Variants in KIF1B observed in about 807,000 individuals in gnomAD.
KIF1B encodes the protein kinesin-like protein KIF1B.
KIF1B carries 76 observed loss-of-function variants against 241.9 expected under a neutral mutation model. That is an observed-to-expected ratio of 0.31 (90% CI 0.26 to 0.38). KIF1B has a LOEUF of 0.38. Among genes scored for constraint, KIF1B ranks in the 10% least tolerant of loss-of-function variants. KIF1B has a pLI of 1.00. For synonymous variants in KIF1B, 750 were observed against 796.7 expected (o/e 0.94, Z 0.99); for missense variants, 1,622 against 2,271.4 (o/e 0.71, Z 5.81).
chr1:10,244,921 C>G (rs1024467002), intron 2 of KIF1B, among the ~76,000 whole-genome samples: 2 of 152,110 alleles, frequency 1.3e-5, no homozygotes, highest in African/African-American at 4.8e-5. Flanking sequence ...CGCCATTTTT[C>G]TTAATTGTTG....
At chr1:10,215,578 C>T (rs1252084229) in intron 1 of KIF1B, among the ~76,000 whole-genome samples, 1 of 148,430 alleles carries the variant, frequency 6.7e-6, no homozygotes, top group Non-Finnish European at 1.5e-5. Context: ...CAGGCTCTTA[C>T]TCTATTGCCC....
chr1:10,326,112 T>C lies in KIF1B; in HGVS notation c.2677T>C (p.Ser893Pro). Residue 893 changes from serine to proline, a missense_variant and splice_region_variant, in exon 27 of 49, where the codon TCC becomes CCC. By Grantham distance (74) the Ser-to-Pro change is moderately conservative. Transcript: ENST00000676179. The surrounding 1 kb of genome is among the most constrained non-coding windows in gnomAD (Gnocchi z 5.2). Reference sequence around the variant, plus strand: ...ATTGGCGTCTTACCTGGTGTCTAGCTCCCCCATTTTCCACGGCTGTGTGAA... The same window carrying C: ...ATTGGCGTCTTACCTGGTGTCTAGCCCCCCCATTTTCCACGGCTGTGTGAA... ...RFHWFKLVGS[S>P]PIFHGCVNER... 6.2e-7 allele frequency: 1 copy of C among 1,613,956 alleles called. No individual in the cohort carries two copies. Among genetic ancestry groups the C allele is most frequent in the South Asian group, 1.1e-5 (1 of 91,054 alleles).
chr1:10,312,448 C>T (rs922537882), intron 22 of KIF1B, among the ~76,000 whole-genome samples: 1 of 151,430 alleles, frequency 6.6e-6, no homozygotes, highest in African/African-American at 2.5e-5. Context: ...GTTTTTAAAA[C>T]ATATCCCAGC....
chr1:10,296,854 TA>T, intron 20 of KIF1B, 42 bp from the exon 21 acceptor site: 2 of 1,561,140 alleles, frequency 1.3e-6, no homozygotes, highest in South Asian at 1.1e-5. Flanking sequence ...TACTATATAT[TA>T]AAAAAATTAT....
intron 22 of KIF1B, chr1:10,306,757 TAAAAAAAAAAAAA>T (rs745772393): frequency 2.5e-5 from 14 of 566,870 alleles, no homozygotes; most frequent in Non-Finnish European, 2.9e-5. Context: ...AACCTGTCTT[TAAAAAAAAAAAAA>T]AAAAAAAAAA....
At chr1:10,233,465 G>A (rs1280433480) in intron 2 of KIF1B, among the ~76,000 whole-genome samples, 1 of 152,034 alleles carries the variant, frequency 6.6e-6, no homozygotes, top group African/African-American at 2.4e-5. Flanking sequence ...TGGCAATAGA[G>A]CAAGACCCTG....
intron 22 of KIF1B, among the ~76,000 whole-genome samples, chr1:10,314,373 T>C (rs1651211144): frequency 6.6e-6 from 1 of 151,442 alleles, no homozygotes; most frequent in Admixed American, 6.6e-5. Context: ...GTTGATATTT[T>C]GACTATCAAT....
At chr1:10,356,654 C>T (rs1250288238) in intron 38 of KIF1B, among the ~76,000 whole-genome samples, 1 of 151,992 alleles carries the variant, frequency 6.6e-6, no homozygotes, top group Non-Finnish European at 1.5e-5. Context: ...GTAATCCCAG[C>T]ACTTTGGGAG....
intron 1 of KIF1B, among the ~76,000 whole-genome samples, chr1:10,229,801 C>T (rs930240166): frequency 2.2e-5 from 3 of 135,744 alleles, no homozygotes; most frequent in African/African-American, 8.7e-5. Context: ...GCGGAGTTTG[C>T]AGTGAGCCGA....
chr1:10,324,998 T>G, intron 26 of KIF1B, 103 bp downstream of exon 26: 1 of 1,313,858 alleles, frequency 7.6e-7, no homozygotes, highest in Non-Finnish European at 1.1e-6. Flanking sequence ...AAAAAAAAGG[T>G]GTAAAAAGGC....
intron 38 of KIF1B, among the ~76,000 whole-genome samples, chr1:10,357,487 G>A (rs1365692185): frequency 6.6e-6 from 1 of 152,100 alleles, no homozygotes; most frequent in Non-Finnish European, 1.5e-5. Flanking sequence ...TGTAATACTA[G>A]CACTTTCCTA....
At position 10,334,584 on chromosome 1, in the gene KIF1B, A is replaced by G. The variant is rs778056735; in HGVS notation, c.2989A>G (p.Ser997Gly). The G allele has an allele frequency of 1.2e-6, 2 of 1,614,088 alleles. No individual in the cohort carries two copies. The highest frequency in any genetic ancestry group is 1.7e-6 in the Non-Finnish European group (2 of 1,179,956). Residue 997 changes from serine (S) to glycine (G), a missense_variant, in exon 28 of 49, where the codon AGT becomes GGT. Ser to Gly is a moderately conservative substitution (Grantham distance 56). Around this residue, in one of 7 missense-constraint regions of KIF1B, gnomAD observed 803 missense variants for 1,112.0 expected, o/e 0.72. Coordinates refer to ENST00000676179, the MANE Select transcript of KIF1B (RefSeq NM_001365951.3). Reference sequence around the variant, plus strand: ...CCTGATCCACAGGGTGGCCATCGTCAGTGAGAAAGGTGAAGTGCGGGGATT... The same window carrying G: ...CCTGATCCACAGGGTGGCCATCGTCGGTGAGAAAGGTGAAGTGCGGGGATT... The part of the protein sequence containing the change: ...VPLIHRVAIV[S>G]EKGEVRGFLR...
intron 22 of KIF1B, among the ~76,000 whole-genome samples, chr1:10,308,802 G>A (rs1398960064): frequency 6.6e-6 from 1 of 152,066 alleles, no homozygotes. Context: ...TCTATCTTAA[G>A]TGAGATCTTT....
intron 3 of KIF1B, among the ~76,000 whole-genome samples, chr1:10,256,701 A>AT (rs1217128263): frequency 1.1e-4 from 17 of 148,628 alleles, no homozygotes; most frequent in South Asian, 2.1e-4. Flanking sequence ...AATAATAATA[A>AT]TAATTATTAT....
Position 10,379,929 on chromosome 1 carries a change from G to A in KIF1B, c.*3342G>A, listed in dbSNP as rs1265727545. 3 of 229,366 alleles carry A rather than the reference G, an allele frequency of 1.3e-5. No individual in the cohort carries two copies. Among genetic ancestry groups the A allele is most frequent in the East Asian group, 1.2e-4 (2 of 16,068 alleles). 14.2% of individuals were successfully genotyped at this position (229,366 alleles called of 1,614,324 possible). On this transcript the variant is annotated 3_prime_UTR_variant, in exon 49 of 49. Transcript: ENST00000676179. Reference sequence around the variant, plus strand: ...TGGCCGGGCACCTGAGCCCCAGCTCGTTGTTAAACGTGCTGACGGCAAGGG... The same window carrying A: ...TGGCCGGGCACCTGAGCCCCAGCTCATTGTTAAACGTGCTGACGGCAAGGG...
intron 22 of KIF1B, among the ~76,000 whole-genome samples, chr1:10,300,822 A>G: frequency 6.6e-6 from 1 of 152,218 alleles, no homozygotes; most frequent in Non-Finnish European, 1.5e-5. Flanking sequence ...TTAAAAACTA[A>G]AAATGAAAAG....
In KIF1B at chr1:10,304,520, A is replaced by G. The variant is rs142737643; in HGVS notation, c.2115+7274A>G. 1,125 of 1,613,806 alleles carry G rather than the reference A, an allele frequency of 7.0e-4. 8 individuals are homozygous for G. The South Asian group carries it at 8.4e-3, about 12-fold the overall frequency. ...AACACTGGAGGTCAGTTAGAGGGCA[A>G]TGCAGCCACTTCCTATCAGAAGCAG... On this transcript the variant is annotated intron_variant, in intron 22 of 48. Transcript: ENST00000676179.
intron 44 of KIF1B, among the ~76,000 whole-genome samples, chr1:10,369,897 A>G (rs1460742666): frequency 6.6e-6 from 1 of 151,136 alleles, no homozygotes; most frequent in Non-Finnish European, 1.5e-5. Context: ...GTGCCATTGC[A>G]CTCCAGCCTG....
At chr1:10,342,490 AACAGAAGCTCTAAGT>A (rs1652434503) in intron 33 of KIF1B, among the ~76,000 whole-genome samples, 1 of 152,236 alleles carries the variant, frequency 6.6e-6, no homozygotes, top group Non-Finnish European at 1.5e-5. Context: ...AGCTTTATGA[AACAGAAGCTCTAAGT>A]ACAGTCATCA....
Sources: gnomAD v4.1 joint callset for allele counts (sites outside exome capture counted in the v4.1 genomes callset) on GRCh38, gnomAD v4.1.1 for gene constraint, gnomAD v4.1.1 regional missense constraint, Gnocchi (gnomAD v3.1) non-coding constraint, MANE v1.5 for transcripts, NCBI Gene and HGNC (gene_info 2026-07-23, HGNC 2026-07-21) for gene names.